The following SORCS2 variants were observed in gnomAD, a reference collection of about 807,000 sequenced individuals.
SORCS2 encodes the protein VPS10 domain-containing receptor SorCS2.
In SORCS2, 100 loss-of-function variants were observed where a neutral mutation model predicts 141.6. The ratio of observed to expected loss-of-function variants is 0.71; its 90% CI spans 0.60 to 0.83. SORCS2 has a LOEUF of 0.83. Among genes scored for constraint, SORCS2 ranks in the 40% least tolerant of loss-of-function variants. The probability of loss-of-function intolerance (pLI) is 0.00; values close to 1 mark genes in which losing one functional copy is unlikely to be tolerated. For synonymous variants in SORCS2, 789 were observed against 676.9 expected (o/e 1.17, Z -2.57); for missense variants, 1,646 against 1,560.2 (o/e 1.05, Z -0.93).
chr4:7,503,027 C>T (rs543804513), intron 2 of SORCS2, among the ~76,000 whole-genome samples: 11 of 152,252 alleles, frequency 7.2e-5, no homozygotes, highest in East Asian at 3.9e-4. Context: ...ATTAACCAGC[C>T]GAGCAGAGAG....
chr4:7,307,923 A>AGTGT (rs1306178615), intron 1 of SORCS2, among the ~76,000 whole-genome samples: 1 of 151,764 alleles, frequency 6.6e-6, no homozygotes, highest in Non-Finnish European at 1.5e-5. Flanking sequence ...TGTGTGCATG[A>AGTGT]GTGTGCATGC....
chr4:7,429,475 C>A (rs2076917), intron 2 of SORCS2, among the ~76,000 whole-genome samples: 66,702 of 152,184 alleles, frequency 0.44, 15,511 homozygotes, highest in Non-Finnish European at 0.53. Flanking sequence ...ATCTGCCTTA[C>A]CAGACCTGGA....
At chr4:7,199,157 C>T (rs1170404011) in intron 1 of SORCS2, among the ~76,000 whole-genome samples, 2 of 152,158 alleles carry the variant, frequency 1.3e-5, no homozygotes, top group African/African-American at 4.8e-5. Context: ...GTTTCGTCAT[C>T]GTGTTTCGGG....
At chr4:7,596,501 C>T (rs1717286287) in intron 3 of SORCS2, among the ~76,000 whole-genome samples, 1 of 152,136 alleles carries the variant, frequency 6.6e-6, no homozygotes, top group African/African-American at 2.4e-5. Context: ...CAAAAAGATA[C>T]CCAATTATGA....
At chr4:7,646,997 G>T (rs1268174601) in intron 4 of SORCS2, among the ~76,000 whole-genome samples, 1 of 152,188 alleles carries the variant, frequency 6.6e-6, no homozygotes, top group Non-Finnish European at 1.5e-5. Context: ...ACCACTCAGG[G>T]CCTCGTCTGT....
chr4:7,325,973 C>T (rs958422406), intron 1 of SORCS2, among the ~76,000 whole-genome samples: 10 of 152,020 alleles, frequency 6.6e-5, no homozygotes, highest in South Asian at 4.2e-4. Flanking sequence ...GAGTGGAGGG[C>T]GTGGGAGTGA....
intron 1 of SORCS2, among the ~76,000 whole-genome samples, chr4:7,320,676 A>G (rs1577395170): frequency 6.6e-6 from 1 of 152,156 alleles, no homozygotes; most frequent in South Asian, 2.1e-4. Flanking sequence ...GGCCAGAGTC[A>G]TTCTGTACAC....
At chr4:7,412,145 G>A (rs1349337560) in intron 2 of SORCS2, among the ~76,000 whole-genome samples, 3 of 152,204 alleles carry the variant, frequency 2.0e-5, no homozygotes, top group African/African-American at 7.2e-5. Flanking sequence ...CCCAGCTTCT[G>A]CTGTAGGAGC....
intron 1 of SORCS2, among the ~76,000 whole-genome samples, chr4:7,354,223 C>G (rs375766420): frequency 6.6e-6 from 1 of 152,142 alleles, no homozygotes; most frequent in Admixed American, 6.5e-5. Flanking sequence ...AAGGCCAGGG[C>G]AGTAGAGAGG....
intron 1 of SORCS2, among the ~76,000 whole-genome samples, chr4:7,387,492 C>CAT (rs202189329): frequency 1.3e-5 from 1 of 77,020 alleles, no homozygotes; most frequent in Middle Eastern, 5.5e-3. Context: ...CATACATACA[C>CAT]ATGCACACAA....
At chr4:7,208,956 C>A (rs1369070321) in intron 1 of SORCS2, among the ~76,000 whole-genome samples, 1 of 152,194 alleles carries the variant, frequency 6.6e-6, no homozygotes, top group Non-Finnish European at 1.5e-5. Context: ...CAGCAGACAG[C>A]CTGGCCTGCC....
intron 2 of SORCS2, among the ~76,000 whole-genome samples, chr4:7,500,374 C>G (rs918905147): frequency 2.0e-5 from 3 of 152,200 alleles, no homozygotes; most frequent in African/African-American, 7.2e-5. Flanking sequence ...AACCCTCTGC[C>G]TGCATTGAGG....
At chr4:7,206,739 G>A (rs904087285) in intron 1 of SORCS2, among the ~76,000 whole-genome samples, 1 of 152,168 alleles carries the variant, frequency 6.6e-6, no homozygotes, top group African/African-American at 2.4e-5. Flanking sequence ...CAGGAGCCAG[G>A]GTACTCCGTG....
In SORCS2 at chr4:7,201,755, C is replaced by T. The variant is rs903595610; in HGVS notation, c.480+8629C>T. Among the ~76,000 whole-genome samples the T allele has an allele frequency of 2.0e-5, 3 of 152,112 alleles. No individual in the cohort carries two copies. The highest frequency in any genetic ancestry group is 4.4e-5 in the Non-Finnish European group (3 of 68,026). Reference sequence around the variant, plus strand: ...TTACGAATGGCCCACTTTGTCCTCGCCCCTCCTTAGTCGCTAGTTTGGGTG... The same window carrying T: ...TTACGAATGGCCCACTTTGTCCTCGTCCCTCCTTAGTCGCTAGTTTGGGTG... On this transcript the variant is annotated intron_variant, in intron 1 of 26. Coordinates refer to ENST00000507866, the MANE Select transcript of SORCS2 (RefSeq NM_020777.3). This position sits in a 1 kb window ranked among gnomAD's most constrained non-coding sequence, Gnocchi z 4.4.
chr4:7,503,439 G>T (rs1259541383), intron 2 of SORCS2, among the ~76,000 whole-genome samples: 1 of 152,212 alleles, frequency 6.6e-6, no homozygotes, highest in Non-Finnish European at 1.5e-5. Flanking sequence ...GCTAGAGACC[G>T]AGATGGAGAT....
intron 3 of SORCS2, among the ~76,000 whole-genome samples, chr4:7,637,574 C>T (rs930472582): frequency 4.6e-5 from 7 of 152,164 alleles, no homozygotes; most frequent in African/African-American, 9.6e-5. Context: ...AACAGTGCCC[C>T]GCACTCCATG....
At chr4:7,371,133 C>T (rs1463391260) in intron 1 of SORCS2, among the ~76,000 whole-genome samples, 2 of 152,214 alleles carry the variant, frequency 1.3e-5, no homozygotes, top group African/African-American at 2.4e-5. Context: ...AGTTGGGGCA[C>T]AGGATGTTTG....
chr4:7,281,129 G>A (rs1248683343), intron 1 of SORCS2, among the ~76,000 whole-genome samples: 3 of 152,150 alleles, frequency 2.0e-5, no homozygotes, highest in Non-Finnish European at 4.4e-5. Flanking sequence ...AAACCCAGCA[G>A]AAAACACCCG....
intron 1 of SORCS2, among the ~76,000 whole-genome samples, chr4:7,330,656 C>T (rs1719597181): frequency 6.6e-6 from 1 of 151,980 alleles, no homozygotes; most frequent in Non-Finnish European, 1.5e-5. Context: ...AAAGTCAATG[C>T]CCGCTGTGCT....
Sources: allele counts gnomAD v4.1 joint callset (sites outside exome capture counted in the v4.1 genomes callset), GRCh38; gene constraint gnomAD v4.1.1; non-coding constraint Gnocchi (gnomAD v3.1); transcripts MANE v1.5; gene names NCBI Gene and HGNC (gene_info 2026-07-23, HGNC 2026-07-21).